The following PDE1C variants were observed in gnomAD, a reference collection of about 807,000 sequenced individuals.
PDE1C encodes dual specificity calcium/calmodulin-dependent 3',5'-cyclic nucleotide phosphodiesterase 1C.
PDE1C carries 62 observed loss-of-function variants against 93.1 expected under a neutral mutation model. That is an observed-to-expected ratio of 0.67 (90% CI 0.54 to 0.82). The LOEUF is 0.82. PDE1C is among the 40% of genes least tolerant of loss of function. The probability of loss-of-function intolerance (pLI) is 0.00; values close to 1 mark genes in which losing one functional copy is unlikely to be tolerated. For missense variants in PDE1C, 742 were observed against 884.6 expected (o/e 0.84, Z 2.04); for synonymous variants, 325 against 310.1 (o/e 1.05, Z -0.50).
At chr7:31,993,884 T>G (rs1179794497) in intron 2 of PDE1C, among the ~76,000 whole-genome samples, 3 of 152,160 alleles carry the variant, frequency 2.0e-5, no homozygotes, top group African/African-American at 7.2e-5. Flanking sequence ...ACTGGCGATA[T>G]GCAATAGCCC....
chr7:31,703,910 GGCTTGCTCCCA>G, the PDE1C span, among the ~76,000 whole-genome samples: 1 of 152,190 alleles, frequency 6.6e-6, no homozygotes, highest in Admixed American at 6.5e-5. Context: ...GACAGACCCA[GGCTTGCTCCCA>G]GCTTAGCCTA....
At chr7:31,749,295 G>A (rs1292465123), downstream of PDE1C, among the ~76,000 whole-genome samples, 1 of 152,124 alleles carries the variant, frequency 6.6e-6, no homozygotes, top group Non-Finnish European at 1.5e-5. Flanking sequence ...AGGGTCAAGT[G>A]GGGTGGGCAG....
At chr7:31,862,298 G>C (rs1394838714) in intron 7 of PDE1C, among the ~76,000 whole-genome samples, 1 of 152,146 alleles carries the variant, frequency 6.6e-6, no homozygotes, top group Non-Finnish European at 1.5e-5. Context: ...AGAATGTTAA[G>C]TTCTACAAGA....
chr7:32,283,797 A>G (rs943068941), intron 1 of PDE1C, among the ~76,000 whole-genome samples: 3 of 152,216 alleles, frequency 2.0e-5, no homozygotes, highest in Non-Finnish European at 2.9e-5. Flanking sequence ...GCATCTGTTC[A>G]GTAATTACTA....
At chr7:32,001,132 G>T (rs949852128) in intron 2 of PDE1C, among the ~76,000 whole-genome samples, 2 of 152,168 alleles carry the variant, frequency 1.3e-5, no homozygotes, top group Non-Finnish European at 2.9e-5. Context: ...GCCAGCATGT[G>T]AATAAGCATT....
At chr7:32,128,591 C>A (rs1175261180) in intron 3 of PDE1C, among the ~76,000 whole-genome samples, 1 of 151,678 alleles carries the variant, frequency 6.6e-6, no homozygotes, top group African/African-American at 2.4e-5. Flanking sequence ...AAACCATAAA[C>A]ATTTCTCAAC....
At chr7:31,914,362 A>G (rs369188755) in intron 2 of PDE1C, among the ~76,000 whole-genome samples, 41 of 152,232 alleles carry the variant, frequency 2.7e-4, no homozygotes, top group African/African-American at 9.9e-4. Context: ...TATGACAAGA[A>G]GTTCCGAGAA....
upstream of PDE1C, among the ~76,000 whole-genome samples, chr7:32,299,752 G>T (rs1812836868): frequency 6.6e-6 from 1 of 152,162 alleles, no homozygotes; most frequent in Admixed American, 6.5e-5. Context: ...ACCGAGTTAG[G>T]CAAGGCTTAC....
chr7:31,662,911 G>A, the PDE1C span, among the ~76,000 whole-genome samples: 13 of 152,162 alleles, frequency 8.5e-5, no homozygotes, highest in African/African-American at 2.4e-4. Context: ...ATCTGATTGT[G>A]CTGTTCTCTA....
intron 3 of PDE1C, among the ~76,000 whole-genome samples, chr7:32,117,101 C>T (rs1799025858): frequency 6.6e-6 from 1 of 152,152 alleles, no homozygotes; most frequent in Non-Finnish European, 1.5e-5. Context: ...TGGTAGGCAT[C>T]TAGAAGCCCA....
intron 2 of PDE1C, among the ~76,000 whole-genome samples, chr7:31,907,559 T>G (rs1800756041): frequency 6.6e-6 from 1 of 152,150 alleles, no homozygotes; most frequent in Non-Finnish European, 1.5e-5. Context: ...GGTAATACCA[T>G]TTATACATTT....
rs893208346 is a variant in PDE1C, at chr7:31,831,497, C to T, written c.1204-3124G>A. ...AAAGGCACACACACACACACATGCA[C>T]GCACACACACACACACACACACGCA... On this transcript the variant is annotated intron_variant, in intron 11 of 17. Transcript: ENST00000396191. Among the ~76,000 whole-genome samples, 26 of 43,730 alleles carry T rather than the reference C, an allele frequency of 5.9e-4. No homozygotes were observed. In the East Asian group the frequency reaches 0.012, roughly 20 times the overall value. The allele number at this position is 43,730 out of a possible 152,430, so 28.7% of individuals were successfully genotyped here.
the PDE1C span, among the ~76,000 whole-genome samples, chr7:31,635,047 G>GTATTACATATTAGGTGTGATATGTTA: frequency 6.6e-6 from 1 of 152,202 alleles, no homozygotes; most frequent in South Asian, 2.1e-4. Flanking sequence ...TAAAGGCAAT[G>GTATTACATATTAGGTGTGATATGTTA]TATTACATAT....
At chr7:32,337,728 A>AGG (rs35363543) in intron 1 of PDE1C, among the ~76,000 whole-genome samples, 8 of 151,508 alleles carry the variant, frequency 5.3e-5, no homozygotes, top group African/African-American at 1.7e-4. Context: ...AAGGGAAAGG[A>AGG]GGGGGGAGAA....
At chr7:31,825,027 A>G in intron 12 of PDE1C, 40 bp from the exon 13 acceptor site, 2 of 1,609,212 alleles carry the variant, frequency 1.2e-6, no homozygotes, top group Non-Finnish European at 1.7e-6. Flanking sequence ...ACCACATATT[A>G]CCTTGGGCCT....
At chr7:32,231,976 C>G (rs1585000757) in intron 1 of PDE1C, among the ~76,000 whole-genome samples, 1 of 121,712 alleles carries the variant, frequency 8.2e-6, no homozygotes, top group East Asian at 2.6e-4. Context: ...CACACACACA[C>G]ACACACACAC....
intron 1 of PDE1C, among the ~76,000 whole-genome samples, chr7:32,363,018 ATAACAATAGCTAGT>A (rs1237911379): frequency 6.6e-6 from 1 of 152,204 alleles, no homozygotes; most frequent in East Asian, 1.9e-4. Context: ...CAAACACATA[ATAACAATAGCTAGT>A]ATCAATAGAG....
At chr7:32,232,651 A>G (rs766090580) in intron 1 of PDE1C, among the ~76,000 whole-genome samples, 4 of 152,182 alleles carry the variant, frequency 2.6e-5, no homozygotes, top group Non-Finnish European at 5.9e-5. Context: ...AAGCAAACCA[A>G]TAAAGTTACA....
At chr7:32,156,952 A>C (rs1334669682) in intron 3 of PDE1C, among the ~76,000 whole-genome samples, 1 of 152,210 alleles carries the variant, frequency 6.6e-6, no homozygotes, top group Non-Finnish European at 1.5e-5. Context: ...ATCAAAGTCA[A>C]CGTCACCCAT....
Sources: gnomAD v4.1 joint callset for allele counts (sites outside exome capture counted in the v4.1 genomes callset) on GRCh38, gnomAD v4.1.1 for gene constraint, MANE v1.5 for transcripts, NCBI Gene and HGNC (gene_info 2026-07-23, HGNC 2026-07-21) for gene names.